The following MPO variants were observed in gnomAD, a reference collection of about 807,000 sequenced individuals.
MPO encodes myeloperoxidase.
A neutral mutation model predicts 69.4 loss-of-function variants in MPO; 57 were observed. That is an observed-to-expected ratio of 0.82 (90% CI 0.66 to 1.02). The LOEUF is 1.02. Ranked by LOEUF, MPO falls within the 50% of genes least tolerant of loss-of-function variation. MPO has a pLI of 0.00. For synonymous variants in MPO, 426 were observed against 417.1 expected (o/e 1.02, Z -0.26); for missense variants, 971 against 1,014.1 (o/e 0.96, Z 0.58).
In MPO at chr17:58,279,001, G is replaced by C. The variant is rs768341575; in HGVS notation, c.885+7C>G. 4.4e-6 allele frequency: 7 copies of C among 1,604,820 alleles called. No individual in the cohort carries two copies. In the Admixed American group the frequency reaches 1.2e-4, roughly 27 times the overall value. On this transcript the variant is annotated splice_region_variant and intron_variant, in intron 6 of 11. Transcript: ENST00000225275. ...CAACCCAGGCAGTGGGCGGGAAGCA[G>C]GGCCACCTTGAGCGGGAAGCAGGGC... is the stretch of plus-strand genomic sequence containing the variant.
Position 58,280,437 on chromosome 17 carries a change from G to C in MPO, c.177C>G (p.Thr59=). 1 of 1,614,040 alleles carries C rather than the reference G, an allele frequency of 6.2e-7. No individual in the cohort carries two copies. Among genetic ancestry groups the C allele is most frequent in the South Asian group, 1.1e-5 (1 of 91,074 alleles). Residue 59 remains threonine, a synonymous_variant, in exon 2 of 12, where the codon ACC becomes ACG. Coordinates refer to ENST00000225275, the MANE Select transcript of MPO (RefSeq NM_000250.2). ...AAPAVLGEVD[T]SLVLSSMEEA... ...CCTCCATGGAGCTCAGCACCAACGAGGTGTCCACCTCCCCCAGGACAGCTG... is the reference window on the plus strand; with the variant it reads ...CCTCCATGGAGCTCAGCACCAACGACGTGTCCACCTCCCCCAGGACAGCTG...
intron 6 of MPO, 86 bp from the exon 7 acceptor site, chr17:58,278,231 CTCT>C: frequency 2.0e-6 from 3 of 1,476,122 alleles, no homozygotes; most frequent in Non-Finnish European, 2.8e-6. Context: ...CCCTCAGGAC[CTCT>C]GGTACCCTCA....
chr17:58,272,953 C>G (rs370125571), intron 9 of MPO, 35 bp from the exon 10 acceptor site: 1 of 1,612,564 alleles, frequency 6.2e-7, no homozygotes, highest in Non-Finnish European at 8.5e-7. Context: ...GGGGAAGTAT[C>G]TGGCTCAGTA....
chr17:58,279,242 C>T (rs1269317743), intron 5 of MPO, 28 bp from the exon 6 acceptor site: 29 of 1,577,944 alleles, frequency 1.8e-5, no homozygotes, highest in African/African-American at 2.7e-5. Flanking sequence ...CAGCTGGCGC[C>T]TGGGTCCGCG....
In MPO at chr17:58,279,015, G is replaced by A. The variant is rs376373278; in HGVS notation, c.878C>T (p.Pro293Leu). ...GGCGGGAAGCAGGGCCACCTTGAGCGGGAAGCAGGGCGGCTGCTGAACGCA... is the reference window on the plus strand; with the variant it reads ...GGCGGGAAGCAGGGCCACCTTGAGCAGGAAGCAGGGCGGCTGCTGAACGCA... The part of the protein sequence containing the change: ...TSCVQQPPCF[P>L]LKIPPNDPRI... Residue 293 changes from proline (P) to leucine (L), a missense_variant, in exon 6 of 12, where the codon CCG becomes CTG. Transcript: ENST00000225275. The A allele has an allele frequency of 8.1e-6, 13 of 1,609,048 alleles. No homozygotes were observed. Among genetic ancestry groups the A allele is most frequent in the African/African-American group, 4.0e-5 (3 of 74,920 alleles).
rs761775576 is a variant in MPO, at chr17:58,279,013, G to A, written c.880C>T (p.Leu294Phe). Residue 294 changes from leucine (L) to phenylalanine (F), a missense_variant, in exon 6 of 12, where the codon CTC becomes TTC. By Grantham distance (22) the Leu-to-Phe change is conservative. Transcript: ENST00000225275. ...TGGGCGGGAAGCAGGGCCACCTTGA[G>A]CGGGAAGCAGGGCGGCTGCTGAACG... ...SCVQQPPCFPLKIPPNDPRIK... is the reference protein window; with the variant it reads ...SCVQQPPCFPFKIPPNDPRIK... 7.3e-5 allele frequency: 117 copies of A among 1,608,896 alleles called. No individual in the cohort carries two copies. The highest frequency in any genetic ancestry group is 9.8e-5 in the Non-Finnish European group (115 of 1,178,834).
At position 58,279,993 on chromosome 17, in the gene MPO, G is replaced by C. The variant is rs963340586; in HGVS notation, c.270C>G (p.Ser90Arg). 2 of 1,613,324 alleles carry C rather than the reference G, an allele frequency of 1.2e-6. No individual in the cohort carries two copies. The highest frequency in any genetic ancestry group is 1.7e-6 in the Non-Finnish European group (2 of 1,180,018). ...GGAGTTCCATGGGGCTGGCTGAGCC[G>C]CTGCGAAGCCGCTGCTTGATGCTGC... ...RRESIKQRLR[S>R]GSASPMELLS... Residue 90 changes from serine (S) to arginine (R), a missense_variant, in exon 3 of 12, where the codon AGC (serine) becomes AGG (arginine). Ser to Arg is a moderately radical substitution (Grantham distance 110, BLOSUM62 -1). Transcript: ENST00000225275.
intron 7 of MPO, among the ~76,000 whole-genome samples, chr17:58,276,464 C>T (rs879481657): frequency 4.6e-5 from 7 of 152,170 alleles, no homozygotes; most frequent in Non-Finnish European, 1.0e-4. Context: ...TCTGCAGGGG[C>T]CAGAGGGCTA....
chr17:58,278,074 G>A lies in MPO; in HGVS notation c.957C>T (p.Cys319=). The change falls in exon 7 of 12, where the codon TGC becomes TGT. Residue 319 remains cysteine (C), a synonymous_variant. Transcript: ENST00000225275. The part of the protein sequence containing the change: ...CIPFFRSCPA[C]PGSNITIRNQ... ...TGCGGATGGTGATGTTGCTCCCGGG[G>A]CAAGCCGGGCAGGAGCGGAAGAACG... 8.1e-6 allele frequency: 13 copies of A among 1,611,472 alleles called. No individual in the cohort carries two copies. The South Asian group carries it at 1.3e-4, about 16-fold the overall frequency.
intron 7 of MPO, among the ~76,000 whole-genome samples, chr17:58,276,394 G>C (rs1317302041): frequency 6.6e-6 from 1 of 152,176 alleles, no homozygotes; most frequent in Non-Finnish European, 1.5e-5. Context: ...CCACACCTGA[G>C]ACTGTTCAAG....
chr17:58,280,536 C>T (rs1970505208), intron 1 of MPO, 69 bp downstream of exon 1: 1 of 1,614,006 alleles, frequency 6.2e-7, no homozygotes, highest in Non-Finnish European at 8.5e-7. Flanking sequence ...AAGGCCTGCT[C>T]TGAGAAAAGG....
intron 10 of MPO, among the ~76,000 whole-genome samples, chr17:58,272,292 A>G (rs532227709): frequency 6.6e-6 from 1 of 152,338 alleles, no homozygotes; most frequent in South Asian, 2.1e-4. Flanking sequence ...CCCATAACAT[A>G]GGCACAGGCT....
chr17:58,276,719 T>C (rs535663478), intron 7 of MPO, among the ~76,000 whole-genome samples: 73 of 152,060 alleles, frequency 4.8e-4, no homozygotes, highest in African/African-American at 1.7e-3. Context: ...CCTCCCAGGG[T>C]CCCAGCCAGG....
chr17:58,273,906 C>T (rs34646152), intron 8 of MPO, among the ~76,000 whole-genome samples: 179 of 152,328 alleles, frequency 1.2e-3, no homozygotes, highest in African/African-American at 4.1e-3. Context: ...CAATTATTAA[C>T]CTCTCTGAGC....
Position 58,279,897 on chromosome 17 carries a change from A to G in MPO, c.366T>C (p.Ala122=). 1 of 1,613,996 alleles carries G rather than the reference A, an allele frequency of 6.2e-7. No homozygotes were observed. The highest frequency in any genetic ancestry group is 1.1e-5 in the South Asian group (1 of 91,078). ...GCAGCTTCCTCTCCAGCAGGTCTAG[A>G]GCCACGTGCAGGTAGTCAGCGGCCC... The part of the protein sequence containing the change: ...AVRAADYLHV[A]LDLLERKLRS... The change falls in exon 3 of 12, where the codon GCT becomes GCC. Residue 122 remains alanine, a synonymous_variant. Coordinates refer to ENST00000225275, the MANE Select transcript of MPO (RefSeq NM_000250.2).
At position 58,270,811 on chromosome 17, in the gene MPO, C is replaced by G. The variant is rs748290797; in HGVS notation, c.2083G>C (p.Ala695Pro). Reference protein sequence around the residue: ...VFSMQQRQALAQISLPRIICD... With the variant: ...VFSMQQRQALPQISLPRIICD... ...ATGATCCGGGGCAATGAGATCTGGG[C>G]CAGGGCCTGTCGCTGCTGCATGCTG... is the stretch of plus-strand genomic sequence containing the variant. Residue 695 changes from alanine to proline, a missense_variant, in exon 12 of 12, where the codon GCC (alanine) becomes CCC (proline). Coordinates refer to ENST00000225275, the MANE Select transcript of MPO (RefSeq NM_000250.2). This position sits in a 1 kb window ranked among gnomAD's most constrained non-coding sequence, Gnocchi z 4.1. 6.2e-7 allele frequency: 1 copy of G among 1,613,976 alleles called. No individual in the cohort carries two copies. Among genetic ancestry groups the G allele is most frequent in the Non-Finnish European group, 8.5e-7 (1 of 1,179,974 alleles).
At position 58,275,756 on chromosome 17, in the gene MPO, T is replaced by C; in HGVS notation, c.1205-54A>G. 1.2e-6 allele frequency: 2 copies of C among 1,606,448 alleles called. No individual in the cohort carries two copies. The highest frequency in any genetic ancestry group is 2.2e-5 in the East Asian group (1 of 44,614). The stretch of plus-strand genomic sequence containing the variant: ...TTAAGGCCTCCATCCCAGAAAAGAT[T>C]TGCTCCACTGAAACCCCCTCCCCAG... On this transcript the variant is annotated intron_variant, in intron 7 of 11. Transcript: ENST00000225275. This position sits in a 1 kb window ranked among gnomAD's most constrained non-coding sequence, Gnocchi z 4.1.
In MPO at chr17:58,273,430, C is replaced by A. The variant is rs1162772122; in HGVS notation, c.1605G>T (p.Trp535Cys). Residue 535 changes from tryptophan (W) to cysteine (C), a missense_variant, in exon 9 of 12, where the codon TGG becomes TGT. Physicochemically the swap from Trp to Cys is radical, Grantham distance 215. Coordinates refer to ENST00000225275, the MANE Select transcript of MPO (RefSeq NM_000250.2). ...VPLSRVFFAS[W>C]RVVLEGGIDP... is the part of the protein sequence containing the mutation. ...CCTGCTTACCTTCCAGCACGACCCT[C>A]CAGGAGGCAAAAAAGACCCTGCTGA... 6.2e-7 allele frequency: 1 copy of A among 1,614,156 alleles called. No homozygotes were observed. The highest frequency in any genetic ancestry group is 8.5e-7 in the Non-Finnish European group (1 of 1,180,026).
At position 58,270,984 on chromosome 17, in the gene MPO, G is replaced by A; in HGVS notation, c.2031-121C>T. 8.9e-7 allele frequency: 1 copy of A among 1,118,444 alleles called. No homozygotes were observed. Among genetic ancestry groups the A allele is most frequent in the Non-Finnish European group, 1.3e-6 (1 of 755,212 alleles). The allele number at this position is 1,118,444 out of a possible 1,614,324, so 69.3% of individuals were successfully genotyped here. ...ACAACAAATGCCACCTGGAAGCACA[G>A]GAGGGCCCCAGGCCCTTGGGCAGCC... On this transcript the variant is annotated intron_variant, in intron 11 of 11. Coordinates refer to ENST00000225275, the MANE Select transcript of MPO (RefSeq NM_000250.2). The surrounding 1 kb of genome is among the most constrained non-coding windows in gnomAD (Gnocchi z 4.1).
Sources: allele counts gnomAD v4.1 joint callset (sites outside exome capture counted in the v4.1 genomes callset), GRCh38; gene constraint gnomAD v4.1.1; non-coding constraint Gnocchi (gnomAD v3.1); transcripts MANE v1.5; gene names NCBI Gene and HGNC (gene_info 2026-07-23, HGNC 2026-07-21).